FAM168B: variants seen among roughly 807,000 people sequenced by gnomAD.
The protein encoded by FAM168B is family with sequence similarity 168 member B.
A neutral mutation model predicts 21.8 loss-of-function variants in FAM168B; 19 were observed. That is an observed-to-expected ratio of 0.87 (90% CI 0.61 to 1.28). The LOEUF is 1.28. FAM168B is among the 50% of genes most tolerant of loss of function. FAM168B has a pLI of 0.00. For synonymous variants in FAM168B, 126 were observed against 104.8 expected (o/e 1.20, Z -1.24); for missense variants, 233 against 263.1 (o/e 0.89, Z 0.79).
At chr2:131,076,688 A>G (rs1202830795) in intron 2 of FAM168B, among the ~76,000 whole-genome samples, 2 of 152,036 alleles carry the variant, frequency 1.3e-5, no homozygotes, top group Non-Finnish European at 2.9e-5. Context: ...TCACCTTACA[A>G]AAGTAAAAGC....
At chr2:131,077,443 T>G (rs999671644) in intron 2 of FAM168B, among the ~76,000 whole-genome samples, 2 of 152,196 alleles carry the variant, frequency 1.3e-5, no homozygotes, top group Non-Finnish European at 2.9e-5. Context: ...GGGCTGGCCA[T>G]GAGTTCGGCA....
chr2:131,082,425 C>T (rs886535870), intron 2 of FAM168B, 152 bp downstream of exon 2: 2 of 597,334 alleles, frequency 3.3e-6, no homozygotes, highest in Non-Finnish European at 5.9e-6. Flanking sequence ...TGACCAAATC[C>T]AGTCCTATCA....
At chr2:131,089,032 T>C (rs1300870861) in intron 1 of FAM168B, among the ~76,000 whole-genome samples, 1 of 151,584 alleles carries the variant, frequency 6.6e-6, no homozygotes, top group East Asian at 1.9e-4. Flanking sequence ...AATGGCGCGA[T>C]CTCAGCTCAC....
Position 131,093,383 on chromosome 2 carries a change from T to G in FAM168B, c.-181A>C, listed in dbSNP as rs1694139231. The G allele has an allele frequency of 6.6e-6, 1 of 150,410 alleles. No individual in the cohort carries two copies. The highest frequency in any genetic ancestry group is 2.4e-5 in the African/African-American group (1 of 41,092). The allele number at this position is 150,410 out of a possible 1,614,324, so 9.3% of individuals were successfully genotyped here. ...TCCCGGACGCCGCGCTCCCGCTCGCTCGGCTCCGCTTGGCCCGGCCCGCCT... is the reference window on the plus strand; with the variant it reads ...TCCCGGACGCCGCGCTCCCGCTCGCGCGGCTCCGCTTGGCCCGGCCCGCCT... On this transcript the variant is annotated 5_prime_UTR_variant, in exon 1 of 7. Transcript: ENST00000389915.
Position 131,051,035 on chromosome 2 carries a change from A to G in FAM168B, c.*1430T>C, listed in dbSNP as rs1019618945. On this transcript the variant is annotated 3_prime_UTR_variant, in exon 7 of 7. Transcript: ENST00000389915. Reference sequence around the variant, plus strand: ...TTTTCATTTCTTATGTACAAGATTCAGATCCTAAACTCAAATTCCTCTCCC... The same window carrying G: ...TTTTCATTTCTTATGTACAAGATTCGGATCCTAAACTCAAATTCCTCTCCC... 3.0e-6 allele frequency: 3 copies of G among 985,350 alleles called. No homozygotes were observed. The highest frequency in any genetic ancestry group is 3.6e-6 in the Non-Finnish European group (3 of 829,990). The allele number at this position is 985,350 out of a possible 1,614,324, so 61.0% of individuals were successfully genotyped here.
Position 131,048,561 on chromosome 2 carries a change from A to C in FAM168B, c.*3904T>G. The C allele has an allele frequency of 9.0e-7, 1 of 1,111,968 alleles. No individual in the cohort carries two copies. Among genetic ancestry groups the C allele is most frequent in the Non-Finnish European group, 1.1e-6 (1 of 898,140 alleles). 68.9% of individuals were successfully genotyped at this position (1,111,968 alleles called of 1,614,324 possible). ...AAGAGACAAACTTTCTGAAACATGC[A>C]GTTTCCGACCCAAATAGGCCACATA... On this transcript the variant is annotated 3_prime_UTR_variant, in exon 7 of 7. Transcript: ENST00000389915.
At position 131,050,941 on chromosome 2, in the gene FAM168B, ACT is replaced by A. The variant is rs2105445805; in HGVS notation, c.*1522_*1523del. On this transcript the variant is annotated 3_prime_UTR_variant, in exon 7 of 7. Coordinates refer to ENST00000389915, the MANE Select transcript of FAM168B (RefSeq NM_001009993.4). ...ATCCCCCACCCCCACTCTGACCCTC[ACT>A]GAGAACCGACATGCACTCTCATGGA... 1.0e-6 allele frequency: 1 copy of A among 985,432 alleles called. No individual in the cohort carries two copies. The highest frequency in any genetic ancestry group is 1.1e-4 in the East Asian group (1 of 8,816). The allele number at this position is 985,432 out of a possible 1,614,324, so 61.0% of individuals were successfully genotyped here. A position where few individuals can be genotyped will look rare whatever the true frequency, so the allele number is the denominator to read the frequency against.
intron 3 of FAM168B, among the ~76,000 whole-genome samples, chr2:131,068,276 A>G (rs1205777022): frequency 1.3e-5 from 2 of 152,202 alleles, no homozygotes; most frequent in South Asian, 4.1e-4. Context: ...CTCCTGCCTC[A>G]GCCTCCTGAA....
chr2:131,060,367 T>A (rs998590204), intron 3 of FAM168B, among the ~76,000 whole-genome samples: 6 of 152,168 alleles, frequency 3.9e-5, no homozygotes, highest in African/African-American at 1.4e-4. Context: ...AGCAAGGCAA[T>A]GTGTGAGTGG....
rs971063077 is a variant in FAM168B at position 131,048,990 on chromosome 2, A to G, written c.*3475T>C. On this transcript the variant is annotated 3_prime_UTR_variant, in exon 7 of 7. Transcript: ENST00000389915. ...AGTAACACTGTTCTCAAATGTTTAA[A>G]AAGGACAGGTGAAGTCTGGGTCTCC... 1.0e-6 allele frequency: 1 copy of G among 985,496 alleles called. No homozygotes were observed. Among genetic ancestry groups the G allele is most frequent in the Admixed American group, 6.1e-5 (1 of 16,270 alleles). The allele number at this position is 985,496 out of a possible 1,614,324, so 61.0% of individuals were successfully genotyped here. A position where few individuals can be genotyped will look rare whatever the true frequency, so the allele number is the denominator to read the frequency against.
intron 6 of FAM168B, 131 bp downstream of exon 6, chr2:131,052,760 C>T: frequency 4.4e-6 from 6 of 1,369,612 alleles, no homozygotes; most frequent in Non-Finnish European, 5.8e-6. Flanking sequence ...AAAATTTAAA[C>T]ACTACATTGC....
chr2:131,069,905 C>A (rs1692786623), intron 3 of FAM168B, among the ~76,000 whole-genome samples: 1 of 151,876 alleles, frequency 6.6e-6, no homozygotes, highest in Admixed American at 6.6e-5. Context: ...GTCGCCCAGG[C>A]TGGAATGCTA....
intron 2 of FAM168B, 42 bp from the exon 3 acceptor site, chr2:131,071,980 T>C (rs1180878992): frequency 1.3e-6 from 2 of 1,538,666 alleles, no homozygotes; most frequent in Admixed American, 1.7e-5. Context: ...TCAACTGAAG[T>C]AGCGACAATC....
At chr2:131,091,665 A>T (rs1056238748) in intron 1 of FAM168B, among the ~76,000 whole-genome samples, 6 of 151,800 alleles carry the variant, frequency 4.0e-5, no homozygotes, top group African/African-American at 1.2e-4. Context: ...AAAAAAGAAA[A>T]AAGAAAAGAA....
chr2:131,057,131 G>A (rs1022348401), intron 3 of FAM168B, among the ~76,000 whole-genome samples: 4 of 152,200 alleles, frequency 2.6e-5, no homozygotes, highest in African/African-American at 7.2e-5. Flanking sequence ...GTGTCAGACA[G>A]TGCAACTTTG....
chr2:131,055,284 C>T lies in FAM168B; in HGVS notation c.463G>A (p.Ala155Thr). Residue 155 changes from alanine (A) to threonine (T), a missense_variant, in exon 5 of 7, where the codon GCC becomes ACC. Physicochemically the swap from Ala to Thr is moderately conservative, Grantham distance 58. Coordinates refer to ENST00000389915, the MANE Select transcript of FAM168B (RefSeq NM_001009993.4). ...AACGAGGACTTACCTGCTGACATGG[C>T]CATGGTGGTCCCAGCCACCATGCCC... ...TMGMVAGTTM[A>T]MSAGTLLTAH... is the part of the protein sequence containing the mutation. 1 of 1,573,382 alleles carries T rather than the reference C, an allele frequency of 6.4e-7. No individual in the cohort carries two copies. Among genetic ancestry groups the T allele is most frequent in the Non-Finnish European group, 8.6e-7 (1 of 1,164,766 alleles).
At chr2:131,059,490 C>T (rs372019576) in intron 3 of FAM168B, among the ~76,000 whole-genome samples, 36 of 152,164 alleles carry the variant, frequency 2.4e-4, no homozygotes, top group African/African-American at 8.2e-4. Flanking sequence ...CCCCACTGTA[C>T]GGCTTAATCC....
In FAM168B at chr2:131,049,328, C is replaced by T. The variant is rs1691504595; in HGVS notation, c.*3137G>A. 1 of 985,442 alleles carries T rather than the reference C, an allele frequency of 1.0e-6. No individual in the cohort carries two copies. Among genetic ancestry groups the T allele is most frequent in the Admixed American group, 6.1e-5 (1 of 16,272 alleles). 61.0% of individuals were successfully genotyped at this position (985,442 alleles called of 1,614,324 possible). A position where few individuals can be genotyped will look rare whatever the true frequency, so the allele number is the denominator to read the frequency against. ...GCCCACCCCAAGGCTCAGGACCACC[C>T]CCATTGCCTGTGAACACATTTGCAT... is the stretch of plus-strand genomic sequence containing the variant. On this transcript the variant is annotated 3_prime_UTR_variant, in exon 7 of 7. Coordinates refer to ENST00000389915, the MANE Select transcript of FAM168B (RefSeq NM_001009993.4).
At chr2:131,083,471 T>A (rs1693524223) in intron 1 of FAM168B, among the ~76,000 whole-genome samples, 1 of 151,898 alleles carries the variant, frequency 6.6e-6, no homozygotes, top group Non-Finnish European at 1.5e-5. Context: ...ATCCAGGAGG[T>A]GGAGATTAGC....
Sources: allele counts gnomAD v4.1 joint callset (sites outside exome capture counted in the v4.1 genomes callset), GRCh38; gene constraint gnomAD v4.1.1; transcripts MANE v1.5; gene names NCBI Gene and HGNC (gene_info 2026-07-23, HGNC 2026-07-21).